The following B3GALT1 variants were observed in gnomAD, a reference collection of about 807,000 sequenced individuals.
The protein encoded by B3GALT1 is beta-1,3-galactosyltransferase 1, also known as UDP-Gal:betaGlcNAc beta 1,3-galactosyltransferase, polypeptide 1.
A neutral mutation model predicts 23.2 loss-of-function variants in B3GALT1; 10 were observed. The ratio of observed to expected loss-of-function variants is 0.43; its 90% CI spans 0.27 to 0.73. The LOEUF (loss-of-function observed/expected upper bound fraction) is 0.73. B3GALT1 is among the 30% of genes least tolerant of loss of function. The pLI is 0.21. For synonymous variants in B3GALT1, 156 were observed against 141.5 expected, an observed-to-expected ratio of 1.10 and a Z score of -0.73; for missense variants, 299 against 405.4, an observed-to-expected ratio of 0.74 and a Z score of 2.25.
Position 167,869,800 on chromosome 2 carries a change from C to T in B3GALT1, c.761C>T (p.Thr254Ile). Residue 254 changes from threonine to isoleucine, a missense_variant, in exon 5 of 5, where the codon ACC (threonine) becomes ATC (isoleucine). Thr to Ile is a moderately conservative substitution (Grantham distance 89). Coordinates refer to ENST00000392690, the MANE Select transcript of B3GALT1 (RefSeq NM_020981.4). The surrounding 1 kb of genome is among the most constrained non-coding windows in gnomAD (Gnocchi z 6.4). ...SADVAELIYK[T>I]SLHTRLLHLE... ...GATGTAGCTGAACTCATTTACAAGA[C>T]CTCACTCCACACAAGGCTGCTTCAC... 6.2e-7 allele frequency: 1 copy of T among 1,614,120 alleles called. No individual in the cohort carries two copies. Among genetic ancestry groups the T allele is most frequent in the Non-Finnish European group, 8.5e-7 (1 of 1,180,012 alleles).
chr2:167,609,894 C>T (rs1431714008), intron 2 of B3GALT1, among the ~76,000 whole-genome samples: 2 of 151,738 alleles, frequency 1.3e-5, no homozygotes, highest in Admixed American at 6.6e-5. Flanking sequence ...AGATGTGGAG[C>T]GAAGGTATTG....
At chr2:167,638,476 C>T (rs1318843255) in intron 2 of B3GALT1, among the ~76,000 whole-genome samples, 1 of 152,024 alleles carries the variant, frequency 6.6e-6, no homozygotes, top group African/African-American at 2.4e-5. Flanking sequence ...CACTGTACCA[C>T]GCAGTGAGAT....
intron 3 of B3GALT1, among the ~76,000 whole-genome samples, chr2:167,673,818 C>A (rs1686376957): frequency 6.6e-6 from 1 of 152,032 alleles, no homozygotes; most frequent in Admixed American, 6.5e-5. Flanking sequence ...AGTTAGCTAT[C>A]TAGCAAAGCC....
Position 167,674,050 on chromosome 2 carries a change from C to A in B3GALT1, c.-352+27084C>A, listed in dbSNP as rs373052703. Among the ~76,000 whole-genome samples the A allele has an allele frequency of 7.9e-5, 12 of 152,186 alleles. No homozygotes were observed. In the South Asian group the frequency reaches 2.5e-3, roughly 32 times the overall value. Reference sequence around the variant, plus strand: ...CAAATTGTTATTTTAATTAAATACACAACCATAGTAAATTGCAACAAGTGG... The same window carrying A: ...CAAATTGTTATTTTAATTAAATACAAAACCATAGTAAATTGCAACAAGTGG... On this transcript the variant is annotated intron_variant, in intron 3 of 4. Coordinates refer to ENST00000392690, the MANE Select transcript of B3GALT1 (RefSeq NM_020981.4).
chr2:167,704,651 G>A (rs1341216032), intron 3 of B3GALT1, among the ~76,000 whole-genome samples: 1 of 152,154 alleles, frequency 6.6e-6, no homozygotes, highest in Non-Finnish European at 1.5e-5. Context: ...CTCCAAGTGG[G>A]TAGTTCCAGA....
intron 3 of B3GALT1, among the ~76,000 whole-genome samples, chr2:167,802,018 G>A (rs1178452734): frequency 6.6e-6 from 1 of 152,120 alleles, no homozygotes; most frequent in Non-Finnish European, 1.5e-5. Context: ...AAGCTTTGTG[G>A]GGTATCCCTT....
intron 2 of B3GALT1, among the ~76,000 whole-genome samples, chr2:167,625,897 T>G (rs1685332251): frequency 6.9e-6 from 1 of 145,678 alleles, no homozygotes; most frequent in Non-Finnish European, 1.5e-5. Flanking sequence ...CTAGGTCATA[T>G]AAATTAGAAA....
Position 167,463,736 on chromosome 2 carries a change from T to C in B3GALT1, c.-510-26441T>C, listed in dbSNP as rs151095855. ...TCCAGGAGTAGCCAAGTAAAAGATATGAAAATGCAAAGTGTAAGACCAAAT... is the reference window on the plus strand; with the variant it reads ...TCCAGGAGTAGCCAAGTAAAAGATACGAAAATGCAAAGTGTAAGACCAAAT... On this transcript the variant is annotated intron_variant, in intron 1 of 4. Transcript: ENST00000392690. Among the ~76,000 whole-genome samples the C allele has an allele frequency of 1.0e-3, 155 of 152,260 alleles. 2 individuals carry two copies. In the East Asian group the frequency reaches 0.023, roughly 23 times the overall value.
intron 4 of B3GALT1, among the ~76,000 whole-genome samples, chr2:167,826,219 C>T (rs532143829): frequency 6.6e-5 from 10 of 152,270 alleles, no homozygotes; most frequent in South Asian, 2.1e-4. Flanking sequence ...CCCGGTCTTG[C>T]GCTCAGTCCT....
intron 2 of B3GALT1, chr2:167,558,463 G>C (rs1054215058): frequency 6.6e-6 from 1 of 152,524 alleles, no homozygotes; most frequent in African/African-American, 2.4e-5. Flanking sequence ...GCTCAGGACA[G>C]TGAGTGCAGC....
At chr2:167,817,049 A>G (rs951410789) in intron 3 of B3GALT1, among the ~76,000 whole-genome samples, 4 of 152,186 alleles carry the variant, frequency 2.6e-5, no homozygotes, top group Admixed American at 6.5e-5. Flanking sequence ...CTGTTTGGCC[A>G]AATAGACGTG....
At chr2:167,566,715 A>G (rs941624102) in intron 2 of B3GALT1, among the ~76,000 whole-genome samples, 1 of 152,158 alleles carries the variant, frequency 6.6e-6, no homozygotes. Flanking sequence ...ATGCTTGAGC[A>G]TGTATAGAAT....
At chr2:167,363,945 G>A (rs1697542709) in intron 1 of B3GALT1, among the ~76,000 whole-genome samples, 1 of 152,010 alleles carries the variant, frequency 6.6e-6, no homozygotes, top group Admixed American at 6.6e-5. Context: ...GATCACTTGA[G>A]GTCAGGAGTT....
At chr2:167,616,929 T>C (rs891452088) in intron 2 of B3GALT1, among the ~76,000 whole-genome samples, 1 of 152,120 alleles carries the variant, frequency 6.6e-6, no homozygotes, top group Non-Finnish European at 1.5e-5. Flanking sequence ...CTTAAAGCTT[T>C]GAAGCAGACA....
intron 3 of B3GALT1, among the ~76,000 whole-genome samples, chr2:167,722,338 A>G (rs1010742892): frequency 2.0e-5 from 3 of 152,234 alleles, no homozygotes; most frequent in South Asian, 4.1e-4. Context: ...CAAATTATAT[A>G]AACAATTGAC....
rs978100177 is a variant in B3GALT1, at chr2:167,603,628, A to G, written c.-409-43281A>G. On this transcript the variant is annotated intron_variant, in intron 2 of 4. Transcript: ENST00000392690. ...ATATTCCTACCCAGCATAATAACTA[A>G]TTGTTAGAACTGCTTCCTTTGCCTG... Among the ~76,000 whole-genome samples the G allele has an allele frequency of 1.2e-4, 19 of 152,204 alleles. 1 individual carries two copies. Among genetic ancestry groups the G allele is most frequent in the Non-Finnish European group, 2.9e-5 (2 of 68,038 alleles).
chr2:167,659,502 G>T (rs902756426), intron 3 of B3GALT1, among the ~76,000 whole-genome samples: 2 of 152,034 alleles, frequency 1.3e-5, no homozygotes, highest in African/African-American at 4.8e-5. Flanking sequence ...CTGTCTAGAT[G>T]ATCTTTATTC....
chr2:167,339,424 G>A (rs1287141773), intron 1 of B3GALT1, among the ~76,000 whole-genome samples: 5 of 144,178 alleles, frequency 3.5e-5, no homozygotes, highest in South Asian at 2.3e-4. Context: ...GATGTGGGGG[G>A]ATGTAGGGAA....
intron 4 of B3GALT1, among the ~76,000 whole-genome samples, chr2:167,866,817 A>T (rs1365666848): frequency 6.6e-6 from 1 of 152,222 alleles, no homozygotes; most frequent in Non-Finnish European, 1.5e-5. Context: ...TAAGAATCAG[A>T]TACATAGCCT....
Sources: gnomAD v4.1 joint callset for allele counts (sites outside exome capture counted in the v4.1 genomes callset) on GRCh38, gnomAD v4.1.1 for gene constraint, Gnocchi (gnomAD v3.1) non-coding constraint, MANE v1.5 for transcripts, NCBI Gene and HGNC (gene_info 2026-07-23, HGNC 2026-07-21) for gene names.